The following FAM83B variants were observed in gnomAD, a reference collection of about 807,000 sequenced individuals.
FAM83B encodes the protein protein FAM83B.
Under a neutral mutation model 38.8 loss-of-function variants are expected in FAM83B, and 26 were observed. The ratio of observed to expected loss-of-function variants is 0.67; its 90% CI spans 0.49 to 0.93. The LOEUF is 0.93. Among genes scored for constraint, FAM83B ranks in the 40% least tolerant of loss-of-function variants. The pLI is 0.00. For missense variants in FAM83B, 1,237 were observed against 1,197.3 expected, an observed-to-expected ratio of 1.03 and a Z score of -0.49; for synonymous variants, 419 against 423.1, an observed-to-expected ratio of 0.99 and a Z score of 0.12.
chr6:54,862,127 A>C (rs554449184), intron 1 of FAM83B, among the ~76,000 whole-genome samples: 1 of 152,344 alleles, frequency 6.6e-6, no homozygotes, highest in Non-Finnish European at 1.5e-5. Context: ...CTCAGGCACC[A>C]GTTTCCCCAG....
In FAM83B at chr6:54,870,570, G is replaced by T; in HGVS notation, c.324G>T (p.Trp108Cys). The T allele has an allele frequency of 6.2e-7, 1 of 1,613,972 alleles. No homozygotes were observed. Among genetic ancestry groups the T allele is most frequent in the South Asian group, 1.1e-5 (1 of 91,076 alleles). Residue 108 changes from tryptophan (W) to cysteine (C), a missense_variant, in exon 2 of 5, where the codon TGG becomes TGT. Coordinates refer to ENST00000306858, the MANE Select transcript of FAM83B (RefSeq NM_001010872.3). ...DVEAPNLDLG[W>C]PYVMPGLLGG... is the part of the protein sequence containing the mutation. ...AAGCTCCAAATCTTGACTTAGGCTG[G>T]CCATATGTGATGCCCGGACTCTTAG...
In FAM83B at chr6:54,940,824, A is replaced by G. The variant is rs1449265277; in HGVS notation, c.1853A>G (p.Glu618Gly). ...APKMHTLQVP[E>G]NHSVALNQTT... ...AAAATGCACACCTTGCAGGTTCCTG[A>G]AAACCACTCAGTAGCCTTAAACCAA... The change falls in exon 5 of 5, where the codon GAA (glutamate) becomes GGA (glycine). Residue 618 changes from glutamate to glycine, a missense_variant. Coordinates refer to ENST00000306858, the MANE Select transcript of FAM83B (RefSeq NM_001010872.3). 1 of 1,614,086 alleles carries G rather than the reference A, an allele frequency of 6.2e-7. No individual in the cohort carries two copies. The highest frequency in any genetic ancestry group is 1.7e-5 in the Admixed American group (1 of 59,970).
intron 2 of FAM83B, among the ~76,000 whole-genome samples, chr6:54,878,542 TTG>T (rs1013529794): frequency 6.3e-4 from 96 of 152,256 alleles, no homozygotes; most frequent in African/African-American, 1.2e-3. Context: ...ATGCATGTAT[TTG>T]TGGGCAGAAC....
intron 2 of FAM83B, among the ~76,000 whole-genome samples, chr6:54,879,247 C>T (rs1163516374): frequency 6.6e-6 from 1 of 152,034 alleles, no homozygotes; most frequent in African/African-American, 2.4e-5. Flanking sequence ...CAGTCCTGAC[C>T]CTGAGGACCT....
At chr6:54,911,897 A>G (rs1772915244) in intron 2 of FAM83B, among the ~76,000 whole-genome samples, 1 of 152,116 alleles carries the variant, frequency 6.6e-6, no homozygotes, top group Admixed American at 6.6e-5. Context: ...GAAAGATGAA[A>G]TTATTCAGCC....
intron 2 of FAM83B, among the ~76,000 whole-genome samples, chr6:54,899,894 T>TA (rs1219720844): frequency 6.6e-5 from 10 of 152,274 alleles, no homozygotes; most frequent in Admixed American, 6.5e-4. Flanking sequence ...TGACTGAAGG[T>TA]AAGTTGCGCT....
At chr6:54,903,338 A>G (rs747720139) in intron 2 of FAM83B, among the ~76,000 whole-genome samples, 1 of 152,196 alleles carries the variant, frequency 6.6e-6, no homozygotes, top group Non-Finnish European at 1.5e-5. Context: ...CGGCATGGCA[A>G]AAGAGTATGG....
chr6:54,861,716 A>C (rs1412291267), intron 1 of FAM83B, among the ~76,000 whole-genome samples: 1 of 152,172 alleles, frequency 6.6e-6, no homozygotes, highest in African/African-American at 2.4e-5. Context: ...TTCCAGACAG[A>C]AAGGTCCAGC....
At chr6:54,892,456 T>G (rs1188741780) in intron 2 of FAM83B, among the ~76,000 whole-genome samples, 1 of 152,006 alleles carries the variant, frequency 6.6e-6, no homozygotes, top group African/African-American at 2.4e-5. Context: ...CAGTGTCTGT[T>G]GTTCCTCTCT....
At chr6:54,915,503 A>G (rs1306858585) in intron 2 of FAM83B, among the ~76,000 whole-genome samples, 1 of 151,992 alleles carries the variant, frequency 6.6e-6, no homozygotes, top group Non-Finnish European at 1.5e-5. Flanking sequence ...TCCTCTACCT[A>G]CTGGTAGAAA....
At chr6:54,853,146 T>G (rs968088702) in intron 1 of FAM83B, among the ~76,000 whole-genome samples, 1 of 152,126 alleles carries the variant, frequency 6.6e-6, no homozygotes, top group Admixed American at 6.6e-5. Context: ...ATGAGAAAGC[T>G]GGAGGAGAAA....
intron 1 of FAM83B, among the ~76,000 whole-genome samples, chr6:54,863,397 C>A (rs1450814880): frequency 6.6e-6 from 1 of 152,168 alleles, no homozygotes; most frequent in African/African-American, 2.4e-5. Context: ...CACATAGAAA[C>A]CCTTCGGGTC....
chr6:54,942,058 T>A lies in FAM83B; in HGVS notation c.*51T>A. ...CTATCAATATTTGTCCAAAGAAAAT[T>A]GTGGACAGTCTTTGTAACATGCCAA... On this transcript the variant is annotated 3_prime_UTR_variant, in exon 5 of 5. Coordinates refer to ENST00000306858, the MANE Select transcript of FAM83B (RefSeq NM_001010872.3). 6.5e-7 allele frequency: 1 copy of A among 1,530,038 alleles called. No individual in the cohort carries two copies. Among genetic ancestry groups the A allele is most frequent in the African/African-American group, 1.4e-5 (1 of 71,984 alleles). 94.8% of individuals were successfully genotyped at this position (1,530,038 alleles called of 1,614,324 possible). A position where few individuals can be genotyped will look rare whatever the true frequency, so the allele number is the denominator to read the frequency against.
rs138668315 is a variant in FAM83B, at chr6:54,863,491, T to C, written c.-60-6696T>C. ...AACATGACTGAAGTTTTACAACCAATAAGTTTCAGAGTAGAGGTCGAAACC... is the reference window on the plus strand; with the variant it reads ...AACATGACTGAAGTTTTACAACCAACAAGTTTCAGAGTAGAGGTCGAAACC... On this transcript the variant is annotated intron_variant, in intron 1 of 4. Transcript: ENST00000306858. 4.1e-3 allele frequency among the ~76,000 whole-genome samples: 627 copies of C among 152,054 alleles called. 4 individuals are homozygous for C. The highest frequency in any genetic ancestry group is 5.8e-3 in the Non-Finnish European group (393 of 68,020).
intron 1 of FAM83B, among the ~76,000 whole-genome samples, chr6:54,857,220 C>T (rs1771465792): frequency 6.6e-6 from 1 of 152,146 alleles, no homozygotes; most frequent in South Asian, 2.1e-4. Flanking sequence ...TTGGAACACA[C>T]ATTTATCATT....
At chr6:54,869,680 T>G (rs758669291) in intron 1 of FAM83B, among the ~76,000 whole-genome samples, 1 of 152,184 alleles carries the variant, frequency 6.6e-6, no homozygotes. Context: ...TTGCTCCATA[T>G]TGATCTCTAC....
At chr6:54,888,267 A>C (rs1422950877) in intron 2 of FAM83B, among the ~76,000 whole-genome samples, 1 of 145,694 alleles carries the variant, frequency 6.9e-6, no homozygotes, top group African/African-American at 2.5e-5. Flanking sequence ...TTTCCAAAAT[A>C]TTTTTATTAT....
Position 54,870,244 on chromosome 6 carries a change from A to G in FAM83B, c.-3A>G. ...AAAGTGCCATAGCCAAACACTTGCA[A>G]GCATGGAGACCTCATCAATGCTTTC... On this transcript the variant is annotated 5_prime_UTR_variant, in exon 2 of 5. Transcript: ENST00000306858. 6.2e-7 allele frequency: 1 copy of G among 1,607,810 alleles called. No individual in the cohort carries two copies. The highest frequency in any genetic ancestry group is 8.5e-7 in the Non-Finnish European group (1 of 1,174,908).
chr6:54,870,020 G>A (rs1422449891), intron 1 of FAM83B, among the ~76,000 whole-genome samples, 167 bp from the exon 2 acceptor site: 3 of 152,182 alleles, frequency 2.0e-5, no homozygotes, highest in African/African-American at 7.2e-5. Flanking sequence ...TGTGATAGAT[G>A]TGTGAATTGT....
Sources: gnomAD v4.1 joint callset for allele counts (sites outside exome capture counted in the v4.1 genomes callset) on GRCh38, gnomAD v4.1.1 for gene constraint, MANE v1.5 for transcripts, NCBI Gene and HGNC (gene_info 2026-07-23, HGNC 2026-07-21) for gene names.